Variants in XIRP2 observed in about 807,000 individuals in gnomAD.
XIRP2 encodes xin actin-binding repeat-containing protein 2.
Under a neutral mutation model 277.0 loss-of-function variants are expected in XIRP2, and 236 were observed. That is an observed-to-expected ratio of 0.85 (90% confidence interval 0.77 to 0.95). XIRP2 has a LOEUF of 0.95. Among genes scored for constraint, XIRP2 ranks in the 40% least tolerant of loss-of-function variants. The pLI, the probability that XIRP2 is intolerant of heterozygous loss-of-function variation, is 0.00. For missense variants in XIRP2, 4,640 were observed against 4,157.5 expected (o/e 1.12, Z -3.19); for synonymous variants, 1,490 against 1,416.5 (o/e 1.05, Z -1.17).
chr2:167,158,443 C>T (rs1437725973), intron 3 of XIRP2, among the ~76,000 whole-genome samples: 1 of 152,128 alleles, frequency 6.6e-6, no homozygotes, highest in East Asian at 1.9e-4. Flanking sequence ...TGTGTTTATG[C>T]ATCAGTTAAT....
At chr2:167,151,782 CATA>C (rs1441984429) in intron 3 of XIRP2, among the ~76,000 whole-genome samples, 1 of 152,012 alleles carries the variant, frequency 6.6e-6, no homozygotes, top group African/African-American at 2.4e-5. Context: ...GTAGGTAAAC[CATA>C]ATGTGGGACT....
intron 2 of XIRP2, among the ~76,000 whole-genome samples, chr2:166,914,490 G>A (rs888877339): frequency 2.6e-5 from 4 of 151,930 alleles, no homozygotes; most frequent in East Asian, 1.9e-4. Context: ...ACAGGTGCCC[G>A]CCACCTTGCC....
intron 5 of XIRP2, among the ~76,000 whole-genome samples, chr2:167,234,779 A>G (rs1200905173): frequency 6.6e-6 from 1 of 151,782 alleles, no homozygotes. Context: ...TTTTCCCTTA[A>G]TGTTATTTTC....
intron 2 of XIRP2, among the ~76,000 whole-genome samples, chr2:166,948,259 T>C (rs1685934673): frequency 6.6e-6 from 1 of 152,092 alleles, no homozygotes; most frequent in Non-Finnish European, 1.5e-5. Context: ...CTATTATAAC[T>C]AGTGTATCCC....
At chr2:167,213,799 G>T (rs990647242) in intron 4 of XIRP2, among the ~76,000 whole-genome samples, 1 of 152,098 alleles carries the variant, frequency 6.6e-6, no homozygotes, top group Non-Finnish European at 1.5e-5. Context: ...TCATCTACCC[G>T]CAAGTGGAAC....
intron 2 of XIRP2, among the ~76,000 whole-genome samples, chr2:166,912,017 C>G (rs1684721854): frequency 6.6e-6 from 1 of 152,178 alleles, no homozygotes; most frequent in Admixed American, 6.5e-5. Flanking sequence ...GTAACCCGAC[C>G]TTTCTTTCTG....
At chr2:167,213,155 G>T (rs557599834) in intron 4 of XIRP2, among the ~76,000 whole-genome samples, 4 of 152,084 alleles carry the variant, frequency 2.6e-5, no homozygotes, top group African/African-American at 4.8e-5. Context: ...AAACAGTGGT[G>T]GTCTATAGAA....
At chr2:167,059,426 A>G (rs1310257105) in intron 2 of XIRP2, among the ~76,000 whole-genome samples, 1 of 149,640 alleles carries the variant, frequency 6.7e-6, no homozygotes, top group Non-Finnish European at 1.5e-5. Flanking sequence ...TTAACTTTAA[A>G]TAGGGTTAGA....
In XIRP2 at chr2:167,143,153, A is replaced by G. The variant is rs200412063; in HGVS notation, c.562+7091A>G. ...TAAATTCAGCAAATATTTACTGAAC[A>G]GGTACTATGGACCTGCCCCTGTGCT... On this transcript the variant is annotated intron_variant, in intron 3 of 10. Transcript: ENST00000409195. 2.4e-3 allele frequency among the ~76,000 whole-genome samples: 359 copies of G among 152,296 alleles called. 1 individual carries two copies. Among genetic ancestry groups the G allele is most frequent in the African/African-American group, 8.0e-3 (334 of 41,568 alleles).
chr2:166,936,292 T>A (rs1379224564), intron 2 of XIRP2, among the ~76,000 whole-genome samples: 14 of 152,170 alleles, frequency 9.2e-5, no homozygotes, highest in African/African-American at 2.2e-4. Context: ...GTTTGAGTTC[T>A]TTGTAGATTC....
chr2:167,014,451 G>A (rs1378719958), intron 2 of XIRP2, among the ~76,000 whole-genome samples: 1 of 151,674 alleles, frequency 6.6e-6, no homozygotes, highest in East Asian at 1.9e-4. Context: ...AAAAATTATA[G>A]AAAGGGAAAG....
intron 5 of XIRP2, among the ~76,000 whole-genome samples, chr2:167,226,740 G>A (rs1191045415): frequency 6.6e-6 from 1 of 152,072 alleles, no homozygotes; most frequent in African/African-American, 2.4e-5. Context: ...GGATGTAGTG[G>A]TAGCAAGTTT....
At chr2:167,138,490 G>A (rs1003230464) in intron 3 of XIRP2, among the ~76,000 whole-genome samples, 5 of 152,152 alleles carry the variant, frequency 3.3e-5, no homozygotes, top group African/African-American at 4.8e-5. Context: ...CTCTCACCAC[G>A]TCTATTTTAT....
rs1443186757 is a variant in XIRP2 at position 167,245,816 on chromosome 2, A to T, written c.4424A>T (p.Lys1475Met). Residue 1475 changes from lysine (K) to methionine (M), a missense_variant, in exon 9 of 11, where the codon AAG (lysine) becomes ATG (methionine). Transcript: ENST00000409195. ...RGEGLEYENI[K>M]TVTQEDVQKG... ...GAAGGGTTAGAATATGAAAATATCAAGACAGTCACTCAGGAAGATGTGCAG... is the reference window on the plus strand; with the variant it reads ...GAAGGGTTAGAATATGAAAATATCATGACAGTCACTCAGGAAGATGTGCAG... 6.2e-7 allele frequency: 1 copy of T among 1,613,782 alleles called. No homozygotes were observed.
intron 5 of XIRP2, among the ~76,000 whole-genome samples, chr2:167,238,165 A>G (rs1173561659): frequency 1.3e-5 from 2 of 152,212 alleles, no homozygotes; most frequent in Non-Finnish European, 2.9e-5. Context: ...TATCTTATTC[A>G]TGTATGCATT....
intron 2 of XIRP2, among the ~76,000 whole-genome samples, chr2:167,039,615 A>G (rs1688608964): frequency 1.3e-5 from 2 of 152,170 alleles, no homozygotes; most frequent in African/African-American, 4.8e-5. Flanking sequence ...ACAATGTGGT[A>G]TGGAGAGAAT....
At chr2:167,121,686 T>C (rs1349367254) in intron 2 of XIRP2, among the ~76,000 whole-genome samples, 1 of 152,100 alleles carries the variant, frequency 6.6e-6, no homozygotes, top group Non-Finnish European at 1.5e-5. Context: ...TGAGAGTGAC[T>C]GCGGCAAGTT....
At position 167,136,058 on chromosome 2, in the gene XIRP2, T is replaced by C; in HGVS notation, c.558T>C (p.Phe186=). The change falls in exon 3 of 11, where the codon TTT becomes TTC. Residue 186 remains phenylalanine, a synonymous_variant. Transcript: ENST00000409195. The part of the protein sequence containing the change: ...MSPESGHSRI[F]EATAGPNKPE... Reference sequence around the variant, plus strand: ...CTGAAAGTGGTCACAGCCGCATCTTTGAAGGTTAGCATAACATTTTGATAT... The same window carrying C: ...CTGAAAGTGGTCACAGCCGCATCTTCGAAGGTTAGCATAACATTTTGATAT... 1 of 1,600,698 alleles carries C rather than the reference T, an allele frequency of 6.2e-7. No individual in the cohort carries two copies. Among genetic ancestry groups the C allele is most frequent in the Non-Finnish European group, 8.5e-7 (1 of 1,174,916 alleles).
At chr2:167,068,335 T>C (rs1014209068) in intron 2 of XIRP2, among the ~76,000 whole-genome samples, 3 of 152,334 alleles carry the variant, frequency 2.0e-5, no homozygotes, top group Admixed American at 2.0e-4. Flanking sequence ...TTAAATGAAG[T>C]GATTTTAAAA....
Sources: allele counts gnomAD v4.1 joint callset (sites outside exome capture counted in the v4.1 genomes callset), GRCh38; gene constraint gnomAD v4.1.1; transcripts MANE v1.5; gene names NCBI Gene and HGNC (gene_info 2026-07-23, HGNC 2026-07-21).